FAT3: variants seen among roughly 807,000 people sequenced by gnomAD.
The protein encoded by FAT3 is FAT atypical cadherin 3, also known as protocadherin Fat 3.
In FAT3, 95 loss-of-function variants were observed where a neutral mutation model predicts 310.2. The ratio of observed to expected loss-of-function variants is 0.31; its 90% confidence interval spans 0.26 to 0.36. The LOEUF is 0.36. FAT3 is among the 10% of genes least tolerant of loss of function. The pLI, the probability that FAT3 is intolerant of heterozygous loss-of-function variation, is 1.00. For missense variants in FAT3, 5,408 were observed against 5,715.6 expected, an observed-to-expected ratio of 0.95 and a Z score of 1.74; for synonymous variants, 2,314 against 2,192.9, an observed-to-expected ratio of 1.06 and a Z score of -1.54.
chr11:92,511,004 C>T (rs1018588095), intron 2 of FAT3, among the ~76,000 whole-genome samples: 11 of 152,216 alleles, frequency 7.2e-5, no homozygotes, highest in South Asian at 2.1e-4. Context: ...GCCTTGCTGG[C>T]GCTTTATCTG....
chr11:92,715,878 C>A (rs577298779), intron 4 of FAT3, among the ~76,000 whole-genome samples: 2 of 151,792 alleles, frequency 1.3e-5, no homozygotes, highest in Non-Finnish European at 2.9e-5. Context: ...GCATATGGCA[C>A]CCTTGGGAGA....
chr11:92,476,145 A>G (rs11603843), intron 2 of FAT3, among the ~76,000 whole-genome samples: 1 of 151,874 alleles, frequency 6.6e-6, no homozygotes, highest in Non-Finnish European at 1.5e-5. Context: ...GGGTGGGTGG[A>G]CAGTAAAGAG....
intron 2 of FAT3, among the ~76,000 whole-genome samples, chr11:92,460,118 G>A (rs1951597400): frequency 6.6e-6 from 1 of 152,116 alleles, no homozygotes; most frequent in South Asian, 2.1e-4. Flanking sequence ...ATTTGGGCAT[G>A]GCTTAATGTT....
At chr11:92,299,902 C>G (rs749680132) in intron 1 of FAT3, among the ~76,000 whole-genome samples, 1 of 152,072 alleles carries the variant, frequency 6.6e-6, no homozygotes, top group African/African-American at 2.4e-5. Context: ...CCCCATAGCT[C>G]CAGAAAGAAA....
Position 92,712,089 on chromosome 11 carries a change from G to A in FAT3, c.3669+14644G>A, listed in dbSNP as rs141859276. On this transcript the variant is annotated intron_variant, in intron 4 of 27. Coordinates refer to ENST00000525166, the MANE Select transcript of FAT3 (RefSeq NM_001367949.2). ...GCATAGCTGTCTGCATTCTCTACTG[G>A]TGACAAATTGTAGTGTAAAAAGAGG... Among the ~76,000 whole-genome samples the A allele has an allele frequency of 2.5e-3, 388 of 152,242 alleles. 2 individuals are homozygous for A. The highest frequency in any genetic ancestry group is 4.6e-3 in the Non-Finnish European group (312 of 68,010).
intron 2 of FAT3, among the ~76,000 whole-genome samples, chr11:92,363,339 G>A (rs1948926967): frequency 6.6e-6 from 1 of 152,172 alleles, no homozygotes. Flanking sequence ...GGAGCTCTTT[G>A]TCATTGAAGA....
At chr11:92,360,017 A>C (rs542886010) in intron 2 of FAT3, among the ~76,000 whole-genome samples, 2 of 151,744 alleles carry the variant, frequency 1.3e-5, no homozygotes, top group African/African-American at 4.8e-5. Context: ...GCTGGGTCAA[A>C]TGGTATTTCT....
intron 2 of FAT3, among the ~76,000 whole-genome samples, chr11:92,423,216 C>G (rs1378150109): frequency 6.6e-6 from 1 of 152,104 alleles, no homozygotes; most frequent in Admixed American, 6.6e-5. Context: ...TGGATTCCTC[C>G]AAGTCAGTAC....
chr11:92,815,827 A>G (rs1238992309), intron 13 of FAT3, among the ~76,000 whole-genome samples: 1 of 152,182 alleles, frequency 6.6e-6, no homozygotes, highest in Admixed American at 6.5e-5. Context: ...AACCTCCAGA[A>G]GGAAGTCAGG....
At chr11:92,410,823 CT>C (rs1229431405) in intron 2 of FAT3, among the ~76,000 whole-genome samples, 1 of 151,876 alleles carries the variant, frequency 6.6e-6, no homozygotes, top group East Asian at 1.9e-4. Context: ...AAAAATATGG[CT>C]CCTTTCCTGC....
At chr11:92,879,675 TA>T (rs1411143765) in intron 22 of FAT3, among the ~76,000 whole-genome samples, 13 of 152,126 alleles carry the variant, frequency 8.5e-5, no homozygotes, top group Non-Finnish European at 1.5e-4. Flanking sequence ...TATTGTGAGA[TA>T]GGGGCATCAC....
At chr11:92,580,652 G>C (rs1357589708) in intron 3 of FAT3, among the ~76,000 whole-genome samples, 5 of 152,012 alleles carry the variant, frequency 3.3e-5, no homozygotes, top group Non-Finnish European at 7.4e-5. Context: ...CTTATGTTGG[G>C]TGCTTACTAA....
chr11:92,229,510 T>TTTTTTTTTTTTTC (rs1440088788), intron 1 of FAT3, among the ~76,000 whole-genome samples: 1 of 77,142 alleles, frequency 1.3e-5, no homozygotes, highest in African/African-American at 4.0e-5. Context: ...TTTTTTTGTT[T>TTTTTTTTTTTTTC]TTTGTTTTTT....
chr11:92,551,988 A>G (rs915795877), intron 3 of FAT3, among the ~76,000 whole-genome samples: 1 of 152,216 alleles, frequency 6.6e-6, no homozygotes, highest in African/African-American at 2.4e-5. Flanking sequence ...TTAATTTTCA[A>G]TAATTATTCA....
intron 1 of FAT3, among the ~76,000 whole-genome samples, chr11:92,227,474 A>G (rs932516068): frequency 1.5e-4 from 23 of 152,204 alleles, no homozygotes; most frequent in Non-Finnish European, 7.3e-5. Flanking sequence ...GGAAAGGGGA[A>G]GCCCGCCATC....
chr11:92,309,280 A>T (rs985659776), intron 1 of FAT3, among the ~76,000 whole-genome samples: 1 of 149,448 alleles, frequency 6.7e-6, no homozygotes, highest in African/African-American at 2.5e-5. Flanking sequence ...CACATCCTAG[A>T]GCTCTCCCCC....
chr11:92,555,653 A>G (rs1954991414), intron 3 of FAT3, among the ~76,000 whole-genome samples: 1 of 152,188 alleles, frequency 6.6e-6, no homozygotes, highest in African/African-American at 2.4e-5. Context: ...TGAGCAGACA[A>G]GGAAAGCAGT....
rs1184883672 is a variant in FAT3, at chr11:92,790,082, A to G, written c.4475A>G (p.Lys1492Arg). The change falls in exon 8 of 28, where the codon AAG (lysine) becomes AGG (arginine). Residue 1492 changes from lysine (K) to arginine (R), a missense_variant. Physicochemically the swap from Lys to Arg is conservative, Grantham distance 26 (BLOSUM62 2). Around this residue, in one of 5 missense-constraint regions of FAT3, gnomAD observed 4,588 missense variants for 4,809.8 expected, o/e 0.95. Coordinates refer to ENST00000525166, the MANE Select transcript of FAT3 (RefSeq NM_001367949.2). ...GCCACAGATAGAGATGAGAAGCACA[A>G]GCTGAGCTACACTGTTCATAGCAGC... ...IEATDRDEKH[K>R]LSYTVHSSID... 11 of 1,613,860 alleles carry G rather than the reference A, an allele frequency of 6.8e-6. No individual in the cohort carries two copies. Among genetic ancestry groups the G allele is most frequent in the East Asian group, 6.7e-5 (3 of 44,884 alleles).
At chr11:92,514,883 A>G (rs1953423610) in intron 2 of FAT3, among the ~76,000 whole-genome samples, 1 of 152,112 alleles carries the variant, frequency 6.6e-6, no homozygotes, top group Admixed American at 6.6e-5. Context: ...ACAGAGACCA[A>G]ATTTTTGTCT....
Sources: gnomAD v4.1 joint callset for allele counts (sites outside exome capture counted in the v4.1 genomes callset) on GRCh38, gnomAD v4.1.1 for gene constraint, gnomAD v4.1.1 regional missense constraint, MANE v1.5 for transcripts, NCBI Gene and HGNC (gene_info 2026-07-23, HGNC 2026-07-21) for gene names.